CUBN: variants seen among roughly 807,000 people sequenced by gnomAD.
CUBN encodes cubilin, also known as 460 kDa receptor.
CUBN carries 282 observed loss-of-function variants against 405.3 expected under a neutral mutation model. The observed-to-expected ratio is 0.70, with a 90% CI of 0.63 to 0.77. CUBN has a LOEUF of 0.77. Ranked by LOEUF, CUBN falls within the 30% of genes least tolerant of loss-of-function variation. The probability of loss-of-function intolerance (pLI) is 0.00; values close to 1 mark genes in which losing one functional copy is unlikely to be tolerated. For missense variants in CUBN, 4,514 were observed against 4,475.2 expected, an observed-to-expected ratio of 1.01 and a Z score of -0.25; for synonymous variants, 1,684 against 1,617.0, an observed-to-expected ratio of 1.04 and a Z score of -0.99.
At chr10:16,979,671 C>T (rs1053746128) in intron 31 of CUBN, among the ~76,000 whole-genome samples, 3 of 152,114 alleles carry the variant, frequency 2.0e-5, no homozygotes, top group Non-Finnish European at 2.9e-5. Context: ...CCCTTCCTTA[C>T]ACCTTATACA....
chr10:16,843,452 T>C (rs1021492114), intron 60 of CUBN, among the ~76,000 whole-genome samples: 2 of 152,164 alleles, frequency 1.3e-5, no homozygotes, highest in African/African-American at 4.8e-5. Flanking sequence ...GAAAAAGAAA[T>C]GCACCACTAG....
At chr10:17,046,134 C>A (rs1181567738) in intron 23 of CUBN, 40 bp from the exon 24 acceptor site, 2 of 1,553,784 alleles carry the variant, frequency 1.3e-6, no homozygotes, top group Non-Finnish European at 1.8e-6. Context: ...GGGTTACTGA[C>A]AATATTACTG....
chr10:16,856,971 G>T (rs1839886630), intron 59 of CUBN, among the ~76,000 whole-genome samples: 1 of 152,068 alleles, frequency 6.6e-6, no homozygotes, highest in African/African-American at 2.4e-5. Flanking sequence ...TCCTTTTTTG[G>T]AATCAGCCTT....
intron 39 of CUBN, among the ~76,000 whole-genome samples, chr10:16,935,550 G>A (rs1428477557): frequency 5.3e-5 from 8 of 151,802 alleles, no homozygotes; most frequent in Non-Finnish European, 1.0e-4. Context: ...ATAAATATGC[G>A]TTGATTTAAA....
Position 16,836,370 on chromosome 10 carries a change from A to C in CUBN, c.10045T>G (p.Ser3349Ala). ...LQDSPQGHGNSRFQFCGRNAS... is the reference protein window; with the variant it reads ...LQDSPQGHGNARFQFCGRNAS... ...TTTCTGCCACAGAACTGAAATCTTG[A>C]ATTTCCGTGACCCTGAAATGAAATG... The change falls in exon 63 of 67, where the codon TCA becomes GCA. Residue 3349 changes from serine (S) to alanine (A), a missense_variant. Ser to Ala is a moderately conservative substitution (Grantham distance 99). This residue lies in a region of CUBN where 1,186 missense variants were observed against 1,186.9 expected (regional missense o/e 1.00). Coordinates refer to ENST00000377833, the MANE Select transcript of CUBN (RefSeq NM_001081.4). The C allele has an allele frequency of 6.2e-7, 1 of 1,614,154 alleles. No homozygotes were observed. The highest frequency in any genetic ancestry group is 8.5e-7 in the Non-Finnish European group (1 of 1,179,968).
At chr10:16,843,518 A>C (rs987508458) in intron 60 of CUBN, among the ~76,000 whole-genome samples, 1 of 151,938 alleles carries the variant, frequency 6.6e-6, no homozygotes, top group African/African-American at 2.4e-5. Context: ...ATCAGATGAA[A>C]CTCGAGTTTT....
At chr10:16,888,280 A>C (rs780847) in intron 56 of CUBN, 137 bp downstream of exon 56, 3 of 723,558 alleles carry the variant, frequency 4.1e-6, no homozygotes, top group Non-Finnish European at 7.2e-6. Flanking sequence ...GTGCTAAGTA[A>C]GTGAGTGAGC....
chr10:17,107,592 G>T (rs978619097), intron 10 of CUBN, among the ~76,000 whole-genome samples: 41 of 150,262 alleles, frequency 2.7e-4, no homozygotes, highest in African/African-American at 9.3e-4. Context: ...CCGCCTCCCG[G>T]GTTCACGCCA....
chr10:17,052,923 G>A (rs1307897378), intron 22 of CUBN, among the ~76,000 whole-genome samples: 2 of 151,922 alleles, frequency 1.3e-5, no homozygotes, highest in East Asian at 1.9e-4. Flanking sequence ...TAGTATGACA[G>A]TATTTCACTT....
Position 16,861,961 on chromosome 10 carries a change from C to A in CUBN, c.9454+7675G>T, listed in dbSNP as rs181401368. On this transcript the variant is annotated intron_variant, in intron 59 of 66. Transcript: ENST00000377833. ...GTCAGGAGTTCGAGACCAGCCTGACCAACATGGTGAAAGCCCGTCTCCACT... is the reference window on the plus strand; with the variant it reads ...GTCAGGAGTTCGAGACCAGCCTGACAAACATGGTGAAAGCCCGTCTCCACT... Among the ~76,000 whole-genome samples the A allele has an allele frequency of 3.3e-5, 5 of 152,160 alleles. No individual in the cohort carries two copies. The East Asian group carries it at 9.7e-4, about 29-fold the overall frequency.
intron 65 of CUBN, among the ~76,000 whole-genome samples, chr10:16,830,667 T>A (rs1312218250): frequency 6.6e-6 from 1 of 152,184 alleles, no homozygotes; most frequent in Non-Finnish European, 1.5e-5. Flanking sequence ...TCCTTGATGG[T>A]CAAGCCAAAA....
chr10:16,967,825 G>C (rs2131663730), intron 31 of CUBN, among the ~76,000 whole-genome samples: 1 of 138,716 alleles, frequency 7.2e-6, no homozygotes, highest in South Asian at 2.5e-4. Context: ...GACAGAGGGA[G>C]AGAGAGAGAA....
At chr10:16,917,841 G>A (rs1463710139) in intron 45 of CUBN, among the ~76,000 whole-genome samples, 1 of 151,892 alleles carries the variant, frequency 6.6e-6, no homozygotes, top group South Asian at 2.1e-4. Flanking sequence ...AAAAGTCATG[G>A]TTTTTAAAAA....
At position 16,921,509 on chromosome 10, in the gene CUBN, A is replaced by C. The variant is rs112148986; in HGVS notation, c.6647-1372T>G. 9.1e-4 allele frequency among the ~76,000 whole-genome samples: 139 copies of C among 151,994 alleles called. 1 individual carries two copies. Among genetic ancestry groups the C allele is most frequent in the African/African-American group, 3.3e-3 (136 of 41,420 alleles). ...GAAAGCACTCATGTTCTCCCAAGTC[A>C]CCTCACAGTTATATGCCCAAAGAAC... is the stretch of plus-strand genomic sequence containing the variant. On this transcript the variant is annotated intron_variant, in intron 43 of 66. Coordinates refer to ENST00000377833, the MANE Select transcript of CUBN (RefSeq NM_001081.4).
intron 31 of CUBN, among the ~76,000 whole-genome samples, chr10:16,958,500 T>C (rs774498838): frequency 1.3e-5 from 2 of 152,158 alleles, no homozygotes; most frequent in African/African-American, 2.4e-5. Context: ...CACTCCATCA[T>C]GGGTGACAGA....
rs1366772503 is a variant in CUBN at position 16,835,042 on chromosome 10, G to A, written c.10334C>T (p.Ser3445Leu). Residue 3445 changes from serine (S) to leucine (L), a missense_variant, in exon 64 of 67, where the codon TCA becomes TTA. Ser to Leu is a moderately radical substitution (Grantham distance 145). This residue lies in a region of CUBN where 1,186 missense variants were observed against 1,186.9 expected (regional missense o/e 1.00). Transcript: ENST00000377833. ...CAAGAAATCGTTTCTGCATTCAACT[G>A]AGTTCTCGATGCCAAGTGAATGAAA... ...LFFHSLGIEN[S>L]VECRNDFLEV... The A allele has an allele frequency of 1.2e-6, 2 of 1,614,090 alleles. No homozygotes were observed.
At chr10:17,096,573 T>C (rs1357130719) in intron 14 of CUBN, among the ~76,000 whole-genome samples, 1 of 152,024 alleles carries the variant, frequency 6.6e-6, no homozygotes, top group Non-Finnish European at 1.5e-5. Context: ...TTACTATAAC[T>C]TTCTGACTAA....
chr10:16,925,545 A>G (rs776914793), intron 42 of CUBN, 39 bp downstream of exon 42: 2 of 1,612,772 alleles, frequency 1.2e-6, no homozygotes, highest in South Asian at 2.2e-5. Context: ...AATGAAGTCT[A>G]TGGAAAATGT....
At chr10:16,841,946 A>G (rs1410213697) in intron 60 of CUBN, among the ~76,000 whole-genome samples, 4 of 150,538 alleles carry the variant, frequency 2.7e-5, no homozygotes, top group African/African-American at 9.7e-5. Context: ...CCCCAACTCA[A>G]TAAGGCCTTC....
Sources: gnomAD v4.1 joint callset for allele counts (sites outside exome capture counted in the v4.1 genomes callset) on GRCh38, gnomAD v4.1.1 for gene constraint, gnomAD v4.1.1 regional missense constraint, MANE v1.5 for transcripts, NCBI Gene and HGNC (gene_info 2026-07-23, HGNC 2026-07-21) for gene names.